Variants in SPTBN5 observed in about 807,000 individuals in gnomAD.
The protein encoded by SPTBN5 is spectrin beta, non-erythrocytic 5, also known as spectrin beta chain, non-erythrocytic 5.
SPTBN5 carries 513 observed loss-of-function variants against 477.6 expected under a neutral mutation model. The ratio of observed to expected loss-of-function variants is 1.07; its 90% CI spans 1.00 to 1.16. The LOEUF is 1.16. SPTBN5 is among the 50% of genes most tolerant of loss of function. The pLI is 0.00. For missense variants in SPTBN5, 5,062 were observed against 4,731.8 expected (o/e 1.07, Z -2.05); for synonymous variants, 2,169 against 2,011.7 (o/e 1.08, Z -2.09).
At position 41,851,167 on chromosome 15, in the gene SPTBN5, G is replaced by A. The variant is rs756183310; in HGVS notation, c.10744-17C>T. The A allele has an allele frequency of 6.2e-6, 10 of 1,610,334 alleles. No homozygotes were observed. Among genetic ancestry groups the A allele is most frequent in the Non-Finnish European group, 8.5e-6 (10 of 1,178,438 alleles). ...AGCTACTTTCTGAGGAGAGATGAGAGGCAGGGGTCACTGCGGCCATCTCAG... is the reference window on the plus strand; with the variant it reads ...AGCTACTTTCTGAGGAGAGATGAGAAGCAGGGGTCACTGCGGCCATCTCAG... On this transcript the variant is annotated splice_polypyrimidine_tract_variant and intron_variant, in intron 64 of 67. Coordinates refer to ENST00000320955, the MANE Select transcript of SPTBN5 (RefSeq NM_016642.4).
chr15:41,858,634 C>T lies in SPTBN5; in HGVS notation c.8194G>A (p.Ala2732Thr), dbSNP rs772065756. ...AGCTCCTGCTGTTGGTGCATGCTCG[C>T]GTCCAGCTCCGCCTGGAAATTCTGC... ...KQQNFQAELD[A>T]SMHQQQELQR... Residue 2732 changes from alanine to threonine, a missense_variant, in exon 49 of 68, where the codon GCG (alanine) becomes ACG (threonine). Physicochemically the swap from Ala to Thr is moderately conservative, Grantham distance 58. Coordinates refer to ENST00000320955, the MANE Select transcript of SPTBN5 (RefSeq NM_016642.4). 2.2e-5 allele frequency: 35 copies of T among 1,611,354 alleles called. No homozygotes were observed. Among genetic ancestry groups the T allele is most frequent in the African/African-American group, 1.1e-4 (8 of 74,934 alleles).
rs369921897 is a variant in SPTBN5, at chr15:41,851,102, T to C, written c.10792A>G (p.Arg3598Gly). The C allele has an allele frequency of 1.9e-6, 3 of 1,613,114 alleles. No homozygotes were observed. In the African/African-American group the frequency reaches 4.0e-5, roughly 22 times the overall value. ...LLDLTGARCE[R>G]LRGRHGRKHT... The stretch of plus-strand genomic sequence containing the variant: ...TTCCTGCCGTGGCGGCCCCGCAGCC[T>C]CTCACACCGGGCTCCCGTGAGGTCA... Residue 3598 changes from arginine to glycine, a missense_variant, in exon 65 of 68, where the codon AGG (arginine) becomes GGG (glycine). Transcript: ENST00000320955.
intron 45 of SPTBN5, 75 bp from the exon 46 acceptor site, chr15:41,861,571 G>A (rs1315347923): frequency 6.4e-7 from 1 of 1,554,186 alleles, no homozygotes; most frequent in East Asian, 2.2e-5. Flanking sequence ...TGTTCCAGTG[G>A]CACAGGTTAG....
chr15:41,848,467 G>C lies in SPTBN5; in HGVS notation c.*149C>G. 1.1e-6 allele frequency: 1 copy of C among 892,080 alleles called. No individual in the cohort carries two copies. Among genetic ancestry groups the C allele is most frequent in the South Asian group, 1.4e-5 (1 of 73,456 alleles). The allele number at this position is 892,080 out of a possible 1,614,324, so 55.3% of individuals were successfully genotyped here. A position where few individuals can be genotyped will look rare whatever the true frequency, so the allele number is the denominator to read the frequency against. ...ATGGTAGGACCCATCTAACCAGAAG[G>C]AACTGTCTATTCCAGAAGCTGGGCC... On this transcript the variant is annotated 3_prime_UTR_variant, in exon 68 of 68. Transcript: ENST00000320955.
At position 41,874,215 on chromosome 15, in the gene SPTBN5, A is replaced by C; in HGVS notation, c.4689+77T>G. The C allele has an allele frequency of 2.0e-6, 3 of 1,536,864 alleles. No homozygotes were observed. The Admixed American group carries it at 5.6e-5, about 28-fold the overall frequency. ...GGGGTGAGGGCTTAGAGGCCAGGAC[A>C]CCTGAGTAGGGGCAGAGGGTTTCTA... is the stretch of plus-strand genomic sequence containing the variant. On this transcript the variant is annotated intron_variant, in intron 24 of 67. Transcript: ENST00000320955.
rs752342312 is a variant in SPTBN5, at chr15:41,856,487, C to T, written c.8920G>A (p.Val2974Met). 26 of 1,596,226 alleles carry T rather than the reference C, an allele frequency of 1.6e-5. No homozygotes were observed. The highest frequency in any genetic ancestry group is 2.0e-5 in the Non-Finnish European group (24 of 1,172,752). ...HFAAHEVAAR[V>M]QQLEKAMAHL... is the part of the protein sequence containing the mutation. ...GCCATGGCCTTCTCCAGCTGCTGCACCCGGGCGGCCACCTCGTGGGCGGCA... is the reference window on the plus strand; with the variant it reads ...GCCATGGCCTTCTCCAGCTGCTGCATCCGGGCGGCCACCTCGTGGGCGGCA... The change falls in exon 53 of 68, where the codon GTG (valine) becomes ATG (methionine). Residue 2974 changes from valine (V) to methionine (M), a missense_variant. Physicochemically the swap from Val to Met is conservative, Grantham distance 21. Transcript: ENST00000320955.
chr15:41,865,666 G>T, intron 39 of SPTBN5, 142 bp downstream of exon 39: 1 of 711,244 alleles, frequency 1.4e-6, no homozygotes, highest in Non-Finnish European at 2.3e-6. Flanking sequence ...AGGCGGGTGA[G>T]AGGAGGGAGC....
intron 34 of SPTBN5, 91 bp from the exon 35 acceptor site, chr15:41,867,733 G>T: frequency 8.0e-7 from 1 of 1,250,948 alleles, no homozygotes; most frequent in Non-Finnish European, 1.2e-6. Context: ...TCTGGGTATG[G>T]CAGGGCCTTA....
In SPTBN5 at chr15:41,853,736, A is replaced by G; in HGVS notation, c.9826T>C (p.Cys3276Arg). 6.3e-7 allele frequency: 1 copy of G among 1,588,142 alleles called. No individual in the cohort carries two copies. Among genetic ancestry groups the G allele is most frequent in the Non-Finnish European group, 8.6e-7 (1 of 1,167,822 alleles). Reference sequence around the variant, plus strand: ...GCAGGATGTAGCTGGCCCAGTCGGCAGGCCTCCGTCTGTAGCCGTGCCACC... The same window carrying G: ...GCAGGATGTAGCTGGCCCAGTCGGCGGGCCTCCGTCTGTAGCCGTGCCACC... ...KEVARLQTEA[C>R]RLGQLHPAAP... Residue 3276 changes from cysteine (C) to arginine (R), a missense_variant, in exon 58 of 68, where the codon TGC (cysteine) becomes CGC (arginine). Coordinates refer to ENST00000320955, the MANE Select transcript of SPTBN5 (RefSeq NM_016642.4).
In SPTBN5 at chr15:41,852,948, G is replaced by A. The variant is rs532402905; in HGVS notation, c.10223C>T (p.Ala3408Val). Residue 3408 changes from alanine (A) to valine (V), a missense_variant, in exon 60 of 68, where the codon GCT becomes GTT. Transcript: ENST00000320955. Reference sequence around the variant, plus strand: ...ACAGCGTTGCCAGCGCAGGGCCCAAGCCTCCTCCAGCTCCTGCAGCCGCCC... The same window carrying A: ...ACAGCGTTGCCAGCGCAGGGCCCAAACCTCCTCCAGCTCCTGCAGCCGCCC... ...LEGRLQELEEAWALRWQRCAE... is the reference protein window; with the variant it reads ...LEGRLQELEEVWALRWQRCAE... The A allele has an allele frequency of 1.3e-5, 21 of 1,576,832 alleles. No individual in the cohort carries two copies. In the South Asian group the frequency reaches 2.1e-4, roughly 15 times the overall value.
Position 41,875,299 on chromosome 15 carries a change from G to A in SPTBN5, c.4287+159C>T, listed in dbSNP as rs188751875. Among the ~76,000 whole-genome samples, 206 of 152,342 alleles carry A rather than the reference G, an allele frequency of 1.4e-3. 1 individual carries two copies. Among genetic ancestry groups the A allele is most frequent in the Non-Finnish European group, 2.2e-3 (150 of 68,030 alleles). On this transcript the variant is annotated intron_variant, in intron 22 of 67. Coordinates refer to ENST00000320955, the MANE Select transcript of SPTBN5 (RefSeq NM_016642.4). ...CACAGGAGAGAATCCTGCATTGGCC[G>A]ACTGAGCGGAAAGCCACGCTCAGCT...
At chr15:41,881,911 C>T (rs1394163241) in intron 12 of SPTBN5, 25 bp downstream of exon 12, 11 of 1,513,934 alleles carry the variant, frequency 7.3e-6, no homozygotes, top group Non-Finnish European at 8.8e-6. Flanking sequence ...GGAGACCAGG[C>T]GCCCTTCCCT....
intron 13 of SPTBN5, 73 bp downstream of exon 13, chr15:41,880,961 C>A: frequency 7.5e-7 from 1 of 1,326,874 alleles, no homozygotes; most frequent in Admixed American, 2.1e-5. Flanking sequence ...ACTGCCTTGT[C>A]CCCTGGGATC....
intron 45 of SPTBN5, 113 bp downstream of exon 45, chr15:41,861,622 G>A: frequency 6.7e-7 from 1 of 1,502,594 alleles, no homozygotes; most frequent in Non-Finnish European, 9.0e-7. Flanking sequence ...GAGTGGTGGG[G>A]AAGTCCCTGG....
In SPTBN5 at chr15:41,857,726, G is replaced by T. The variant is rs755127866; in HGVS notation, c.8227-16C>A. 3.9e-6 allele frequency: 6 copies of T among 1,558,348 alleles called. No homozygotes were observed. In the Admixed American group the frequency reaches 1.1e-4, roughly 29 times the overall value. On this transcript the variant is annotated splice_polypyrimidine_tract_variant and intron_variant, in intron 49 of 67. Coordinates refer to ENST00000320955, the MANE Select transcript of SPTBN5 (RefSeq NM_016642.4). ...TCTGTCCCTCCTGCAGCCACAACAT[G>T]AAACACACCTTGTGGACTCAGGACT... is the stretch of plus-strand genomic sequence containing the variant.
chr15:41,851,248 C>A, intron 64 of SPTBN5, 35 bp downstream of exon 64: 1 of 1,553,598 alleles, frequency 6.4e-7, no homozygotes, highest in Non-Finnish European at 8.7e-7. Context: ...TTCCCAGCAC[C>A]CTGATGTCTG....
intron 30 of SPTBN5, 30 bp from the exon 31 acceptor site, chr15:41,870,383 G>T (rs756071030): frequency 1.9e-6 from 3 of 1,600,476 alleles, no homozygotes; most frequent in Non-Finnish European, 2.6e-6. Flanking sequence ...GAGGAGATGA[G>T]GGATGGAGCG....
chr15:41,862,399 G>C (rs2066142814), intron 43 of SPTBN5, 107 bp from the exon 44 acceptor site: 1 of 1,521,080 alleles, frequency 6.6e-7, no homozygotes, highest in Admixed American at 2.0e-5. Context: ...AGGGCCCATG[G>C]GCTGGGAGTT....
intron 12 of SPTBN5, 44 bp from the exon 13 acceptor site, chr15:41,881,278 C>T (rs1480063684): frequency 4.6e-6 from 7 of 1,531,210 alleles, no homozygotes; most frequent in African/African-American, 4.1e-5. Context: ...CCCCATCAAG[C>T]AGCAGGGGCT....
Sources: allele counts gnomAD v4.1 joint callset (sites outside exome capture counted in the v4.1 genomes callset), GRCh38; gene constraint gnomAD v4.1.1; transcripts MANE v1.5; gene names NCBI Gene and HGNC (gene_info 2026-07-23, HGNC 2026-07-21).